The following HTR2C variants were observed in gnomAD, a reference collection of about 807,000 sequenced individuals.
HTR2C encodes 5-hydroxytryptamine (serotonin) receptor 2C, G protein-coupled.
Under a neutral mutation model 21.0 loss-of-function variants are expected in HTR2C, and 5 were observed. That is an observed-to-expected ratio of 0.24 (90% CI 0.12 to 0.50). The LOEUF is 0.50. Among genes scored for constraint, HTR2C ranks in the 20% least tolerant of loss-of-function variants. The pLI, the probability that HTR2C is intolerant of heterozygous loss-of-function variation, is 0.98. For synonymous variants in HTR2C, 150 were observed against 145.3 expected (o/e 1.03, Z -0.23); for missense variants, 271 against 371.2 (o/e 0.73, Z 2.22).
At chrX:114,730,161 G>T (rs782318126) in intron 3 of HTR2C, among the ~76,000 whole-genome samples, 2 of 111,444 alleles carry the variant, frequency 1.8e-5, no homozygotes, top group East Asian at 5.6e-4. Flanking sequence ...GACATTTTAG[G>T]AGCTTACACT....
Position 114,910,042 on chromosome X carries a change from A to C in HTR2C, c.*2627A>C, listed in dbSNP as rs1285837534. The C allele has an allele frequency of 1.8e-5, 2 of 111,814 alleles. No individual in the cohort carries two copies. The highest frequency in any genetic ancestry group is 3.8e-5 in the Non-Finnish European group (2 of 53,160). 9.2% of individuals were successfully genotyped at this position (111,814 alleles called of 1,213,427 possible). A position where few individuals can be genotyped will look rare whatever the true frequency, so the allele number is the denominator to read the frequency against. ...GTTTTATGAGACTTCCTATTAATTT[A>C]TTAAATTTATTAAATGTTGGCTAAT... On this transcript the variant is annotated 3_prime_UTR_variant, in exon 6 of 6. Transcript: ENST00000276198.
At chrX:114,790,812 A>G (rs62594913) in intron 4 of HTR2C, among the ~76,000 whole-genome samples, 3,699 of 111,678 alleles carry the variant, frequency 0.033, 57 homozygotes, top group Non-Finnish European at 0.053. Flanking sequence ...AAAAAAGAGT[A>G]TTTTGCCCAT....
chrX:114,800,967 T>C (rs2070340394), intron 4 of HTR2C, among the ~76,000 whole-genome samples: 1 of 111,312 alleles, frequency 9.0e-6, no homozygotes, highest in African/African-American at 3.3e-5. Flanking sequence ...AGACAGTCTA[T>C]GAAGCAGTAG....
chrX:114,597,971 T>C lies in HTR2C; in HGVS notation c.-147+13312T>C, dbSNP rs141288272. ...AGACATTGTTACATTCAATAATTGT[T>C]AAGATTCTGCTCTGGGCAAGACATT... On this transcript the variant is annotated intron_variant, in intron 1 of 5. Transcript: ENST00000276198. Among the ~76,000 whole-genome samples, 510 of 111,901 alleles carry C rather than the reference T, an allele frequency of 4.6e-3. 3 individuals are homozygous for C. Among genetic ancestry groups the C allele is most frequent in the African/African-American group, 0.016 (487 of 30,895 alleles).
At chrX:114,621,295 G>A (rs1556401670) in intron 2 of HTR2C, among the ~76,000 whole-genome samples, 1 of 111,342 alleles carries the variant, frequency 9.0e-6, no homozygotes, top group African/African-American at 3.3e-5. Context: ...TAAATATTTT[G>A]GATATGGGAA....
chrX:114,902,617 A>T (rs781801224), intron 5 of HTR2C, among the ~76,000 whole-genome samples: 2 of 110,578 alleles, frequency 1.8e-5, no homozygotes, highest in East Asian at 2.9e-4. Flanking sequence ...TTATTTATTT[A>T]TTTATTTATT....
At chrX:114,713,230 A>G (rs782044372) in intron 2 of HTR2C, among the ~76,000 whole-genome samples, 17 of 111,321 alleles carry the variant, frequency 1.5e-4, no homozygotes, top group Non-Finnish European at 2.8e-4. Context: ...TCTTCGTTGA[A>G]TTATTTAAAA....
At chrX:114,660,100 T>A (rs1488818434) in intron 2 of HTR2C, among the ~76,000 whole-genome samples, 1 of 112,134 alleles carries the variant, frequency 8.9e-6, no homozygotes, top group Non-Finnish European at 1.9e-5. Flanking sequence ...ATGGACTTTT[T>A]AACCACATGT....
At chrX:114,634,424 T>C (rs1195630976) in intron 2 of HTR2C, among the ~76,000 whole-genome samples, 1 of 112,292 alleles carries the variant, frequency 8.9e-6, no homozygotes, top group Non-Finnish European at 1.9e-5. Flanking sequence ...AAACAAATTA[T>C]ACTTACATAT....
At chrX:114,749,002 GAATA>G (rs1431590750) in intron 4 of HTR2C, among the ~76,000 whole-genome samples, 1 of 111,165 alleles carries the variant, frequency 9.0e-6, no homozygotes, top group Non-Finnish European at 1.9e-5. Flanking sequence ...TTTGTATCCT[GAATA>G]GATAAAGAAC....
intron 4 of HTR2C, among the ~76,000 whole-genome samples, chrX:114,844,744 G>A (rs188564763): frequency 1.4e-3 from 151 of 111,781 alleles, no homozygotes; most frequent in Middle Eastern, 4.6e-3. Context: ...AACTTACAAA[G>A]ATAGTTGTTG....
chrX:114,606,805 C>T (rs1346376152), intron 1 of HTR2C, among the ~76,000 whole-genome samples: 4 of 111,254 alleles, frequency 3.6e-5, no homozygotes, highest in Admixed American at 1.9e-4. Flanking sequence ...CATGTGTGTC[C>T]GTGTGAAGAG....
At chrX:114,598,855 G>A (rs935115534) in intron 1 of HTR2C, among the ~76,000 whole-genome samples, 22 of 111,421 alleles carry the variant, frequency 2.0e-4, no homozygotes, top group African/African-American at 6.8e-4. Context: ...AATATTGCCT[G>A]TTATTATTAA....
intron 4 of HTR2C, among the ~76,000 whole-genome samples, chrX:114,804,406 C>T (rs1428935658): frequency 1.8e-5 from 2 of 111,532 alleles, no homozygotes; most frequent in African/African-American, 6.5e-5. Context: ...ATAGTTCTCT[C>T]CAAGATGATG....
At chrX:114,623,872 T>C (rs782493732) in intron 2 of HTR2C, among the ~76,000 whole-genome samples, 143 of 108,421 alleles carry the variant, frequency 1.3e-3, no homozygotes, top group African/African-American at 4.6e-3. Context: ...ACCATTGGTG[T>C]CTTAGTCTAC....
intron 4 of HTR2C, among the ~76,000 whole-genome samples, chrX:114,821,782 G>A (rs1170273177): frequency 1.8e-5 from 2 of 111,287 alleles, no homozygotes; most frequent in Admixed American, 1.9e-4. Context: ...ATGATAGCAT[G>A]GCCATGTTGT....
intron 2 of HTR2C, among the ~76,000 whole-genome samples, chrX:114,722,918 A>G (rs1208340594): frequency 9.1e-6 from 1 of 110,085 alleles, no homozygotes; most frequent in African/African-American, 3.3e-5. Context: ...TTGGTTTGCC[A>G]GTATTTTATT....
At chrX:114,764,490 A>G (rs1029545425) in intron 4 of HTR2C, among the ~76,000 whole-genome samples, 4 of 111,941 alleles carry the variant, frequency 3.6e-5, no homozygotes, top group Non-Finnish European at 7.5e-5. Context: ...AAATAAATAA[A>G]TAATGTAATT....
chrX:114,602,378 G>T (rs1556394960), intron 1 of HTR2C, among the ~76,000 whole-genome samples: 1 of 32,947 alleles, frequency 3.0e-5, no homozygotes, highest in East Asian at 2.7e-3. Flanking sequence ...CGTCTATACA[G>T]GAGCTTAAAT....
Sources: gnomAD v4.1 joint callset for allele counts (sites outside exome capture counted in the v4.1 genomes callset) on GRCh38, gnomAD v4.1.1 for gene constraint, MANE v1.5 for transcripts, NCBI Gene and HGNC (gene_info 2026-07-23, HGNC 2026-07-21) for gene names.